The following IL23R variants were observed in gnomAD, a reference collection of about 807,000 sequenced individuals.
IL23R encodes the protein interleukin 23 receptor, also known as interleukin-23 receptor.
IL23R carries 34 observed loss-of-function variants against 56.9 expected under a neutral mutation model. That is an observed-to-expected ratio of 0.60 (90% confidence interval 0.45 to 0.80). The LOEUF (loss-of-function observed/expected upper bound fraction) is 0.80. Ranked by LOEUF, IL23R falls within the 30% of genes least tolerant of loss-of-function variation. The pLI is 0.00. For synonymous variants in IL23R, 230 were observed against 249.2 expected (o/e 0.92, Z 0.73); for missense variants, 635 against 730.0 (o/e 0.87, Z 1.50).
intron 4 of IL23R, among the ~76,000 whole-genome samples, chr1:67,199,620 A>G (rs1254016551): frequency 1.3e-5 from 2 of 152,168 alleles, no homozygotes; most frequent in Non-Finnish European, 2.9e-5. Flanking sequence ...GTTCATGTAT[A>G]TGCATGTATA....
intron 4 of IL23R, among the ~76,000 whole-genome samples, chr1:67,195,059 A>G (rs923768957): frequency 1.4e-4 from 22 of 152,116 alleles, no homozygotes; most frequent in African/African-American, 4.8e-4. Context: ...ATTTAAATGG[A>G]CACATAGTCT....
At chr1:67,143,362 G>A (rs935138624) in intron 1 of IL23R, among the ~76,000 whole-genome samples, 1 of 152,172 alleles carries the variant, frequency 6.6e-6, no homozygotes, top group Admixed American at 6.5e-5. Context: ...AGCAGACCAA[G>A]CAAAAACAAG....
At chr1:67,242,528 TG>T (rs1429115792) in intron 9 of IL23R, among the ~76,000 whole-genome samples, 1 of 152,168 alleles carries the variant, frequency 6.6e-6, no homozygotes, top group Non-Finnish European at 1.5e-5. Context: ...GCTGTCTTCT[TG>T]GGAGAAGCTG....
At chr1:67,248,260 T>C (rs1387859440) in intron 9 of IL23R, among the ~76,000 whole-genome samples, 2 of 152,236 alleles carry the variant, frequency 1.3e-5, no homozygotes, top group South Asian at 2.1e-4. Flanking sequence ...CGTTCAAACA[T>C]AGATTTGGTC....
chr1:67,231,266 G>A (rs928292361), intron 7 of IL23R, among the ~76,000 whole-genome samples: 16 of 152,132 alleles, frequency 1.1e-4, no homozygotes, highest in African/African-American at 3.9e-4. Context: ...TAGAGATCTG[G>A]CCTTAAGAAA....
At chr1:67,197,746 C>A (rs1326708927) in intron 4 of IL23R, among the ~76,000 whole-genome samples, 11 of 152,128 alleles carry the variant, frequency 7.2e-5, no homozygotes, top group Non-Finnish European at 1.0e-4. Flanking sequence ...GAGCTCGAGG[C>A]TGGCCTGGGC....
At chr1:67,220,202 C>T (rs1025397486) in intron 7 of IL23R, among the ~76,000 whole-genome samples, 8 of 151,854 alleles carry the variant, frequency 5.3e-5, no homozygotes, top group Non-Finnish European at 1.0e-4. Context: ...AACCCTGTCT[C>T]TACTAAAAAT....
chr1:67,148,447 C>T (rs897054037), intron 1 of IL23R, among the ~76,000 whole-genome samples: 5 of 152,234 alleles, frequency 3.3e-5, no homozygotes, highest in African/African-American at 1.2e-4. Context: ...GATGATTTGA[C>T]TATTTCTTTA....
intron 1 of IL23R, among the ~76,000 whole-genome samples, chr1:67,160,823 T>C (rs529631945): frequency 7.9e-5 from 12 of 152,290 alleles, no homozygotes; most frequent in African/African-American, 2.9e-4. Context: ...CAGCTAAGAC[T>C]ACAGGTATGT....
chr1:67,252,323 C>G (rs142412932), intron 9 of IL23R, among the ~76,000 whole-genome samples: 39 of 152,218 alleles, frequency 2.6e-4, no homozygotes, highest in African/African-American at 8.9e-4. Flanking sequence ...TTTTACAACC[C>G]CTGCAATACT....
upstream of IL23R, among the ~76,000 whole-genome samples, chr1:67,165,637 A>G (rs1453409850): frequency 2.0e-5 from 3 of 152,230 alleles, no homozygotes; most frequent in Non-Finnish European, 4.4e-5. Flanking sequence ...CAGCCATAAA[A>G]AGGAAGGAAA....
rs540500252 is a variant in IL23R, at chr1:67,169,650, G to A, written c.367+12G>A. The A allele has an allele frequency of 1.2e-6, 2 of 1,612,598 alleles. No individual in the cohort carries two copies. The highest frequency in any genetic ancestry group is 1.7e-5 in the Admixed American group (1 of 60,000). On this transcript the variant is annotated intron_variant, in intron 3 of 10. Transcript: ENST00000347310. ...CATTTCTTCTGGATGTAAGTGTTGGGGCACATTTGAAATGCAAACAAAAGC... is the reference window on the plus strand; with the variant it reads ...CATTTCTTCTGGATGTAAGTGTTGGAGCACATTTGAAATGCAAACAAAAGC...
downstream of IL23R, among the ~76,000 whole-genome samples, chr1:67,260,933 A>G (rs565207373): frequency 1.3e-4 from 20 of 152,316 alleles, no homozygotes; most frequent in Admixed American, 1.1e-3. Context: ...TAGGTAGATT[A>G]CACACTGAAT....
chr1:67,227,560 T>C (rs1358843679), intron 7 of IL23R, among the ~76,000 whole-genome samples: 1 of 152,204 alleles, frequency 6.6e-6, no homozygotes, highest in African/African-American at 2.4e-5. Flanking sequence ...TGCTCATTAA[T>C]TTTTCAGGTT....
chr1:67,208,025 G>A (rs1031535482), intron 6 of IL23R, among the ~76,000 whole-genome samples: 2 of 152,206 alleles, frequency 1.3e-5, no homozygotes, highest in East Asian at 1.9e-4. Flanking sequence ...TTAGGAACTG[G>A]AGGAAAGGTG....
chr1:67,168,313 A>C, intron 2 of IL23R, 123 bp downstream of exon 2: 1 of 800,630 alleles, frequency 1.2e-6, no homozygotes, highest in Non-Finnish European at 2.2e-6. Context: ...ACTAGAAAAA[A>C]TGTGTGCATA....
chr1:67,238,838 A>G (rs911435052), intron 8 of IL23R, among the ~76,000 whole-genome samples: 4 of 152,180 alleles, frequency 2.6e-5, no homozygotes, highest in Non-Finnish European at 5.9e-5. Flanking sequence ...GCCCTGGGAA[A>G]ACATTAATTT....
At chr1:67,203,740 G>A (rs1229777598) in intron 5 of IL23R, among the ~76,000 whole-genome samples, 1 of 152,218 alleles carries the variant, frequency 6.6e-6, no homozygotes, top group Non-Finnish European at 1.5e-5. Context: ...ACAGAAGACT[G>A]TCCTGGGAAC....
chr1:67,205,645 A>T (rs182975270), intron 5 of IL23R, among the ~76,000 whole-genome samples: 1 of 152,380 alleles, frequency 6.6e-6, no homozygotes, highest in East Asian at 1.9e-4. Context: ...ATAACCAATC[A>T]GAATTTCAGT....
Sources: gnomAD v4.1 joint callset for allele counts (sites outside exome capture counted in the v4.1 genomes callset) on GRCh38, gnomAD v4.1.1 for gene constraint, MANE v1.5 for transcripts, NCBI Gene and HGNC (gene_info 2026-07-23, HGNC 2026-07-21) for gene names.